TMEM154: variants seen among roughly 807,000 people sequenced by gnomAD.
The protein encoded by TMEM154 is transmembrane protein 154.
TMEM154 carries 27 observed loss-of-function variants against 24.5 expected under a neutral mutation model. The observed-to-expected ratio is 1.10, with a 90% CI of 0.81 to 1.52. The LOEUF (loss-of-function observed/expected upper bound fraction) is 1.52, where lower values mean the gene tolerates loss of function less well. Ranked by LOEUF, TMEM154 falls within the 40% of genes most tolerant of loss-of-function variation. The probability of loss-of-function intolerance (pLI) is 0.00; values close to 1 mark genes in which losing one functional copy is unlikely to be tolerated. For synonymous variants in TMEM154, 67 were observed against 76.8 expected, an observed-to-expected ratio of 0.87 and a Z score of 0.67; for missense variants, 228 against 213.4, an observed-to-expected ratio of 1.07 and a Z score of -0.43.
intron 5 of TMEM154, among the ~76,000 whole-genome samples, chr4:152,642,518 A>G (rs1752278698): frequency 6.6e-6 from 1 of 152,252 alleles, no homozygotes; most frequent in South Asian, 2.1e-4. Flanking sequence ...TGGGGTATGT[A>G]TATCACCATC....
chr4:152,673,480 T>C (rs142249416), intron 1 of TMEM154, among the ~76,000 whole-genome samples: 1,712 of 152,270 alleles, frequency 0.011, 12 homozygotes, highest in Middle Eastern at 0.02. Context: ...TTTGTATTTT[T>C]AGTAGAGACG....
intron 1 of TMEM154, among the ~76,000 whole-genome samples, chr4:152,660,189 G>A (rs920585238): frequency 2.0e-5 from 1 of 49,684 alleles, no homozygotes; most frequent in Non-Finnish European, 5.4e-5. Context: ...AAATGATTCT[G>A]CTTGGAGAAC....
At chr4:152,670,314 C>T (rs766538919) in intron 1 of TMEM154, among the ~76,000 whole-genome samples, 3 of 152,140 alleles carry the variant, frequency 2.0e-5, no homozygotes, top group Non-Finnish European at 4.4e-5. Flanking sequence ...AGGCCGGGTG[C>T]GGTGGCTCAC....
At chr4:152,636,593 A>G (rs1428643580) in intron 6 of TMEM154, among the ~76,000 whole-genome samples, 3 of 152,250 alleles carry the variant, frequency 2.0e-5, no homozygotes, top group African/African-American at 7.2e-5. Context: ...AAAGTAATGA[A>G]CAAGACTGGC....
At chr4:152,661,284 T>TTCTCTCTCTCTCTCTCTCTC (rs70949609) in intron 1 of TMEM154, among the ~76,000 whole-genome samples, 7 of 63,448 alleles carry the variant, frequency 1.1e-4, no homozygotes, top group Admixed American at 4.5e-4. Context: ...ATTGTTCTCT[T>TTCTCTCTCTCTCTCTCTCTC]TCTCTCTCTC....
chr4:152,623,235 A>C lies in TMEM154; in HGVS notation c.*5311T>G, dbSNP rs184627729. The C allele has an allele frequency of 6.6e-5, 10 of 152,236 alleles. No individual in the cohort carries two copies. Among genetic ancestry groups the C allele is most frequent in the Admixed American group, 4.6e-4 (7 of 15,300 alleles). The allele number at this position is 152,236 out of a possible 1,614,324, so 9.4% of individuals were successfully genotyped here. A position where few individuals can be genotyped will look rare whatever the true frequency, so the allele number is the denominator to read the frequency against. ...ATGATCTAACTGACCTTCTCAGCAG[A>C]TACTCTGCATCACTTGTAAAACAAA... On this transcript the variant is annotated 3_prime_UTR_variant, in exon 7 of 7. Transcript: ENST00000304385.
At chr4:152,643,931 T>C (rs1351039497) in intron 4 of TMEM154, among the ~76,000 whole-genome samples, 1 of 145,904 alleles carries the variant, frequency 6.9e-6, no homozygotes, top group Non-Finnish European at 1.5e-5. Context: ...CTCCCTCCTC[T>C]CCCTTCCTCC....
intron 1 of TMEM154, among the ~76,000 whole-genome samples, chr4:152,677,347 G>A (rs1159465462): frequency 1.3e-5 from 2 of 152,148 alleles, no homozygotes; most frequent in East Asian, 1.9e-4. Context: ...TGTTAATAAA[G>A]GCTTAATTTG....
chr4:152,636,220 G>A (rs1752145950), intron 6 of TMEM154, among the ~76,000 whole-genome samples: 1 of 152,160 alleles, frequency 6.6e-6, no homozygotes, highest in Non-Finnish European at 1.5e-5. Flanking sequence ...CCAACCAAAA[G>A]GATCTGTTTT....
At chr4:152,662,731 T>C (rs768776940) in intron 1 of TMEM154, among the ~76,000 whole-genome samples, 18 of 152,088 alleles carry the variant, frequency 1.2e-4, no homozygotes, top group Admixed American at 2.6e-4. Context: ...CCCATAATCG[T>C]CCATGGAGAT....
chr4:152,646,664 T>A, intron 3 of TMEM154: 3 of 371,542 alleles, frequency 8.1e-6, no homozygotes, highest in Non-Finnish European at 1.5e-5. Flanking sequence ...CCAACCCACT[T>A]TGTCCTCCTC....
At chr4:152,644,339 C>G in intron 4 of TMEM154, 76 bp downstream of exon 4, 6 of 1,532,422 alleles carry the variant, frequency 3.9e-6, no homozygotes, top group Non-Finnish European at 5.4e-6. Flanking sequence ...AACAAAAACA[C>G]CTGAAAAGGC....
chr4:152,678,352 A>G (rs1371651048), intron 1 of TMEM154, among the ~76,000 whole-genome samples: 4 of 152,020 alleles, frequency 2.6e-5, no homozygotes, highest in Admixed American at 1.3e-4. Context: ...ATTTTTTAGA[A>G]GCTAAAAAAA....
intron 3 of TMEM154, chr4:152,647,046 T>C: frequency 1.3e-6 from 1 of 797,370 alleles, no homozygotes. Context: ...TCCCTTTCCC[T>C]GAACATGAAA....
intron 3 of TMEM154, among the ~76,000 whole-genome samples, chr4:152,648,598 T>G (rs1241216825): frequency 2.6e-5 from 4 of 152,186 alleles, no homozygotes; most frequent in Non-Finnish European, 4.4e-5. Flanking sequence ...CAACCAGGCA[T>G]GGAGGCATCC....
intron 3 of TMEM154, 82 bp from the exon 4 acceptor site, chr4:152,644,524 T>C (rs1199978507): frequency 1.7e-5 from 23 of 1,385,722 alleles, no homozygotes; most frequent in Non-Finnish European, 2.4e-5. Flanking sequence ...TGAAGTCTCC[T>C]TTACAAAGAG....
chr4:152,638,375 T>G (rs1159519281), intron 6 of TMEM154, among the ~76,000 whole-genome samples: 1 of 152,222 alleles, frequency 6.6e-6, no homozygotes, highest in African/African-American at 2.4e-5. Context: ...GAAAGTCTCA[T>G]AGTAGATCAA....
At chr4:152,654,663 C>T (rs79290546) in intron 1 of TMEM154, among the ~76,000 whole-genome samples, 7,124 of 152,242 alleles carry the variant, frequency 0.047, 205 homozygotes, top group East Asian at 0.073. Context: ...ATAAGAAAAC[C>T]AGAGTTCTCT....
rs749235711 is a variant in TMEM154, at chr4:152,647,160, A to G, written c.365-2718T>C. On this transcript the variant is annotated intron_variant, in intron 3 of 6. Coordinates refer to ENST00000304385, the MANE Select transcript of TMEM154 (RefSeq NM_152680.3). ...CAAATTTAAAGACTTATTTCCTAGT[A>G]TAGTATAACAGACCAGGCTCTACCC... 2.6e-4 allele frequency: 253 copies of G among 981,074 alleles called. 1 individual carries two copies. Among genetic ancestry groups the G allele is most frequent in the South Asian group, 8.5e-4 (18 of 21,218 alleles). The allele number at this position is 981,074 out of a possible 1,614,324, so 60.8% of individuals were successfully genotyped here. A position where few individuals can be genotyped will look rare whatever the true frequency, so the allele number is the denominator to read the frequency against.
Sources: gnomAD v4.1 joint callset for allele counts (sites outside exome capture counted in the v4.1 genomes callset) on GRCh38, gnomAD v4.1.1 for gene constraint, MANE v1.5 for transcripts, NCBI Gene and HGNC (gene_info 2026-07-23, HGNC 2026-07-21) for gene names.